Variants in EHBP1 observed in about 807,000 individuals in gnomAD.
The protein encoded by EHBP1 is EH domain-binding protein 1.
Under a neutral mutation model 144.0 loss-of-function variants are expected in EHBP1, and 55 were observed. The ratio of observed to expected loss-of-function variants is 0.38; its 90% CI spans 0.31 to 0.48. EHBP1 has a LOEUF of 0.48. Among genes scored for constraint, EHBP1 ranks in the 20% least tolerant of loss-of-function variants. The pLI is 0.98. For synonymous variants in EHBP1, 469 were observed against 472.7 expected (o/e 0.99, Z 0.10); for missense variants, 1,200 against 1,364.2 (o/e 0.88, Z 1.90).
At chr2:62,961,597 C>G (rs1464001837) in intron 14 of EHBP1, among the ~76,000 whole-genome samples, 1 of 152,066 alleles carries the variant, frequency 6.6e-6, no homozygotes, top group Non-Finnish European at 1.5e-5. Context: ...CTTCAGCAGT[C>G]CACCCAGTAT....
chr2:62,769,537 G>C (rs1245062634), intron 4 of EHBP1, among the ~76,000 whole-genome samples: 1 of 152,056 alleles, frequency 6.6e-6, no homozygotes, highest in East Asian at 1.9e-4. Flanking sequence ...AAACATTCCA[G>C]TGCTTGTGAA....
chr2:63,042,084 T>G (rs907978047), intron 21 of EHBP1, among the ~76,000 whole-genome samples: 2 of 152,170 alleles, frequency 1.3e-5, no homozygotes, highest in Non-Finnish European at 2.9e-5. Flanking sequence ...CATCAAAACT[T>G]AATCCTATTT....
At chr2:62,910,359 A>AAGTT (rs1477174446) in intron 10 of EHBP1, among the ~76,000 whole-genome samples, 2 of 152,150 alleles carry the variant, frequency 1.3e-5, no homozygotes, top group African/African-American at 4.8e-5. Context: ...TAGCCTTGGA[A>AAGTT]AGTTGTTGGA....
At chr2:62,826,889 A>T (rs1215004780) in intron 6 of EHBP1, among the ~76,000 whole-genome samples, 2 of 152,224 alleles carry the variant, frequency 1.3e-5, no homozygotes, top group Non-Finnish European at 2.9e-5. Context: ...CGGGGAAAAA[A>T]GTAAGATTCA....
chr2:62,894,224 T>G (rs1456249978), intron 10 of EHBP1, among the ~76,000 whole-genome samples: 1 of 152,138 alleles, frequency 6.6e-6, no homozygotes, highest in Non-Finnish European at 1.5e-5. Flanking sequence ...GCCCAAAAAC[T>G]ACCCAATATG....
chr2:62,694,057 G>A (rs2033998615), intron 1 of EHBP1, among the ~76,000 whole-genome samples: 1 of 152,110 alleles, frequency 6.6e-6, no homozygotes, highest in African/African-American at 2.4e-5. Context: ...AGTTTTAGCT[G>A]TTAACATTTA....
chr2:62,968,092 C>T (rs1345833610), intron 14 of EHBP1, among the ~76,000 whole-genome samples: 1 of 152,058 alleles, frequency 6.6e-6, no homozygotes, highest in Non-Finnish European at 1.5e-5. Flanking sequence ...TGAGCTCTGC[C>T]CACCCCATCA....
At chr2:62,694,205 A>G (rs1262556062) in intron 1 of EHBP1, among the ~76,000 whole-genome samples, 2 of 152,220 alleles carry the variant, frequency 1.3e-5, no homozygotes, top group African/African-American at 4.8e-5. Flanking sequence ...ACTGGAAAAG[A>G]TTAAACTCTT....
intron 1 of EHBP1, among the ~76,000 whole-genome samples, chr2:62,695,350 G>A (rs1040132071): frequency 4.6e-5 from 7 of 152,082 alleles, no homozygotes; most frequent in Non-Finnish European, 8.8e-5. Context: ...GACAGAGCGA[G>A]ACTCTGTCTC....
intron 19 of EHBP1, among the ~76,000 whole-genome samples, chr2:63,027,131 C>T (rs1413153049): frequency 2.0e-5 from 3 of 152,178 alleles, no homozygotes; most frequent in Non-Finnish European, 2.9e-5. Context: ...GGCCTGGTTC[C>T]ACCACTGACT....
intron 14 of EHBP1, among the ~76,000 whole-genome samples, chr2:62,973,001 TACAA>T (rs2058562993): frequency 1.3e-5 from 2 of 152,150 alleles, no homozygotes; most frequent in Admixed American, 1.3e-4. Context: ...AGTAAATAAG[TACAA>T]ACAAACAATT....
intron 19 of EHBP1, among the ~76,000 whole-genome samples, chr2:63,023,509 G>A (rs960035173): frequency 1.3e-5 from 2 of 152,212 alleles, no homozygotes; most frequent in African/African-American, 2.4e-5. Flanking sequence ...TGAATTCACA[G>A]TATACAGAGT....
intron 10 of EHBP1, among the ~76,000 whole-genome samples, chr2:62,928,564 G>A (rs2055721562): frequency 6.6e-6 from 1 of 151,976 alleles, no homozygotes; most frequent in Admixed American, 6.6e-5. Flanking sequence ...AGAACATGTT[G>A]TATAGCTGAT....
At chr2:62,760,542 C>T (rs2152301963) in intron 3 of EHBP1, among the ~76,000 whole-genome samples, 1 of 152,290 alleles carries the variant, frequency 6.6e-6, no homozygotes, top group African/African-American at 2.4e-5. Flanking sequence ...TGATCCAGGA[C>T]TGAGGATTTA....
intron 10 of EHBP1, chr2:62,881,638 T>G (rs1397350056): frequency 2.0e-5 from 3 of 152,164 alleles, no homozygotes; most frequent in Non-Finnish European, 4.4e-5. Flanking sequence ...GAATTTCAAT[T>G]TTGTCACTTT....
chr2:62,906,100 C>T (rs1345936808), intron 10 of EHBP1, among the ~76,000 whole-genome samples: 1 of 150,580 alleles, frequency 6.6e-6, no homozygotes, highest in Non-Finnish European at 1.5e-5. Flanking sequence ...GGTCTGTGAC[C>T]CACTTGGAGT....
intron 14 of EHBP1, among the ~76,000 whole-genome samples, chr2:62,968,789 A>G (rs1417840721): frequency 1.3e-5 from 2 of 152,182 alleles, no homozygotes; most frequent in Admixed American, 1.3e-4. Context: ...GTCATGACAA[A>G]TCTATCTCCT....
chr2:63,025,705 G>T (rs1304354337), intron 19 of EHBP1, among the ~76,000 whole-genome samples: 1 of 152,094 alleles, frequency 6.6e-6, no homozygotes, highest in Non-Finnish European at 1.5e-5. Flanking sequence ...ACTCTATGGG[G>T]TATTTTAAAA....
intron 7 of EHBP1, among the ~76,000 whole-genome samples, chr2:62,848,182 G>A (rs773367688): frequency 1.1e-4 from 17 of 151,306 alleles, no homozygotes; most frequent in Non-Finnish European, 2.2e-4. Context: ...AGGTTCAAGC[G>A]GTTCTTCTGC....
Sources: allele counts gnomAD v4.1 joint callset (sites outside exome capture counted in the v4.1 genomes callset), GRCh38; gene constraint gnomAD v4.1.1; transcripts MANE v1.5; gene names NCBI Gene and HGNC (gene_info 2026-07-23, HGNC 2026-07-21).